The following EPM2A variants were observed in gnomAD, a reference collection of about 807,000 sequenced individuals.
The protein encoded by EPM2A is laforin.
Under a neutral mutation model 26.5 loss-of-function variants are expected in EPM2A, and 21 were observed. The observed-to-expected ratio is 0.79, with a 90% CI of 0.56 to 1.14. The LOEUF (loss-of-function observed/expected upper bound fraction) is 1.14. Ranked by LOEUF, EPM2A falls within the 50% of genes most tolerant of loss-of-function variation. The pLI, the probability that EPM2A is intolerant of heterozygous loss-of-function variation, is 0.00. For missense variants in EPM2A, 458 were observed against 440.8 expected, an observed-to-expected ratio of 1.04 and a Z score of -0.35; for synonymous variants, 217 against 177.6, an observed-to-expected ratio of 1.22 and a Z score of -1.76.
intron 4 of EPM2A, among the ~76,000 whole-genome samples, chr6:145,488,518 T>TGAGAGA (rs1434961412): frequency 7.6e-6 from 1 of 131,010 alleles, no homozygotes; most frequent in African/African-American, 3.4e-5. Flanking sequence ...TGTGTGTGTG[T>TGAGAGA]GTGTGAGAGA....
At chr6:145,670,074 C>T (rs1013023012) in intron 2 of EPM2A, among the ~76,000 whole-genome samples, 14 of 152,174 alleles carry the variant, frequency 9.2e-5, no homozygotes, top group Non-Finnish European at 2.1e-4. Flanking sequence ...TTCACTCTTG[C>T]TTACACACAG....
intron 2 of EPM2A, among the ~76,000 whole-genome samples, chr6:145,534,315 G>A (rs1299087819): frequency 6.6e-6 from 1 of 152,178 alleles, no homozygotes; most frequent in Non-Finnish European, 1.5e-5. Context: ...GAGTGAAAAT[G>A]AGAGTATACA....
At chr6:145,410,012 A>G (rs924592875) in intron 4 of EPM2A, among the ~76,000 whole-genome samples, 6 of 152,076 alleles carry the variant, frequency 3.9e-5, no homozygotes, top group Non-Finnish European at 8.8e-5. Flanking sequence ...TTTCTGCCAC[A>G]CTCTATTGGC....
chr6:145,433,483 C>G (rs1181141201), intron 4 of EPM2A, among the ~76,000 whole-genome samples: 2 of 152,086 alleles, frequency 1.3e-5, no homozygotes, highest in Non-Finnish European at 2.9e-5. Flanking sequence ...TTTTTCTAAT[C>G]ATTCCATCTT....
intron 4 of EPM2A, among the ~76,000 whole-genome samples, chr6:145,406,823 T>C (rs1395118742): frequency 1.3e-5 from 2 of 152,158 alleles, no homozygotes; most frequent in Non-Finnish European, 2.9e-5. Flanking sequence ...TCATTAGAAA[T>C]GCAAATCCTT....
chr6:145,624,420 T>C (rs1185834595), downstream of EPM2A, among the ~76,000 whole-genome samples: 1 of 152,240 alleles, frequency 6.6e-6, no homozygotes, highest in Non-Finnish European at 1.5e-5. Flanking sequence ...TATTAATCCT[T>C]GCACCACTTC....
intron 2 of EPM2A, among the ~76,000 whole-genome samples, chr6:145,606,833 C>A (rs1775273270): frequency 6.6e-6 from 1 of 152,136 alleles, no homozygotes; most frequent in Non-Finnish European, 1.5e-5. Flanking sequence ...AATCTCTGAG[C>A]AGACAAAGCC....
At chr6:145,733,239 A>G (rs1161952449) in intron 1 of EPM2A, among the ~76,000 whole-genome samples, 1 of 152,202 alleles carries the variant, frequency 6.6e-6, no homozygotes, top group Non-Finnish European at 1.5e-5. Context: ...TTTTTAATAC[A>G]AAACTGAAAA....
At chr6:145,723,101 A>C (rs112827452) in intron 1 of EPM2A, among the ~76,000 whole-genome samples, 4 of 152,206 alleles carry the variant, frequency 2.6e-5, no homozygotes, top group African/African-American at 9.6e-5. Flanking sequence ...ATAATAGATT[A>C]TTTAAGGATT....
chr6:145,468,908 C>T (rs1035496078), intron 4 of EPM2A, among the ~76,000 whole-genome samples: 1 of 151,980 alleles, frequency 6.6e-6, no homozygotes, highest in Admixed American at 6.6e-5. Flanking sequence ...GATTAATAAC[C>T]AGAATACATA....
rs144607485 is a variant in EPM2A at position 145,687,942 on chromosome 6, C to T, written c.302-1646G>A. 2.6e-3 allele frequency among the ~76,000 whole-genome samples: 389 copies of T among 152,242 alleles called. 4 individuals are homozygous for T. Among genetic ancestry groups the T allele is most frequent in the African/African-American group, 8.8e-3 (366 of 41,532 alleles). ...ACACTAGCAACCTCACTTCTAGAAA[C>T]ATATCCAACAGAAATATTACTAAGA... On this transcript the variant is annotated intron_variant, in intron 1 of 3. Transcript: ENST00000367519.
At position 145,401,993 on chromosome 6, in the gene EPM2A, A is replaced by G. The variant is rs1411022549; in HGVS notation, c.556-17896T>C. ...ATAATTAGAAAAGCATGATTTGACA[A>G]TCATCAGAAAAATAATGGGTTTAAG... On this transcript the variant is annotated intron_variant, in intron 4 of 4. Transcript: ENST00000638717. Among the ~76,000 whole-genome samples, 7 of 152,186 alleles carry G rather than the reference A, an allele frequency of 4.6e-5. No individual in the cohort carries two copies. In the East Asian group the frequency reaches 1.3e-3, roughly 29 times the overall value.
chr6:145,564,097 C>T (rs1212748638), intron 2 of EPM2A, among the ~76,000 whole-genome samples: 1 of 152,048 alleles, frequency 6.6e-6, no homozygotes, highest in Non-Finnish European at 1.5e-5. Flanking sequence ...TGTTATGCTC[C>T]ATTGTCAAGA....
chr6:145,682,930 A>T (rs1191359470), intron 2 of EPM2A, among the ~76,000 whole-genome samples: 19 of 152,170 alleles, frequency 1.2e-4, no homozygotes, highest in Admixed American at 1.2e-3. Flanking sequence ...CAAACATATA[A>T]TCTACCTGTC....
chr6:145,668,269 A>G (rs1308428504), intron 2 of EPM2A, among the ~76,000 whole-genome samples: 1 of 152,212 alleles, frequency 6.6e-6, no homozygotes, highest in Non-Finnish European at 1.5e-5. Flanking sequence ...TAAGAAAAAA[A>G]GGATAATGAG....
At chr6:145,575,981 A>G (rs1177957614) in intron 2 of EPM2A, among the ~76,000 whole-genome samples, 4 of 152,178 alleles carry the variant, frequency 2.6e-5, no homozygotes, top group Admixed American at 2.0e-4. Flanking sequence ...GACCACAGGC[A>G]TGTGCCACCA....
intron 2 of EPM2A, among the ~76,000 whole-genome samples, chr6:145,645,585 A>G (rs571846148): frequency 6.6e-6 from 1 of 151,930 alleles, no homozygotes. Context: ...GATTACAGGG[A>G]TAAGCCACCA....
At chr6:145,434,789 C>T (rs1184812393) in intron 4 of EPM2A, among the ~76,000 whole-genome samples, 1 of 152,126 alleles carries the variant, frequency 6.6e-6, no homozygotes, top group Non-Finnish European at 1.5e-5. Context: ...TTTCCTGTCC[C>T]CTGGCAACCA....
At chr6:145,661,997 C>G (rs753456248) in intron 2 of EPM2A, among the ~76,000 whole-genome samples, 26 of 152,146 alleles carry the variant, frequency 1.7e-4, no homozygotes, top group Non-Finnish European at 1.5e-5. Flanking sequence ...CGTCTGGTAA[C>G]ATCAGAAACA....
Sources: allele counts gnomAD v4.1 joint callset (sites outside exome capture counted in the v4.1 genomes callset), GRCh38; gene constraint gnomAD v4.1.1; transcripts MANE v1.5; gene names NCBI Gene and HGNC (gene_info 2026-07-23, HGNC 2026-07-21).